The following CCDC13 variants were observed in gnomAD, a reference collection of about 807,000 sequenced individuals.
The protein encoded by CCDC13 is coiled-coil domain-containing protein 13.
Under a neutral mutation model 87.3 loss-of-function variants are expected in CCDC13, and 70 were observed. The observed-to-expected ratio is 0.80, with a 90% confidence interval of 0.66 to 0.98. CCDC13 has a LOEUF of 0.98. Ranked by LOEUF, CCDC13 falls within the 50% of genes least tolerant of loss-of-function variation. CCDC13 has a pLI of 0.00. For synonymous variants in CCDC13, 317 were observed against 360.3 expected (o/e 0.88, Z 1.36); for missense variants, 842 against 892.0 (o/e 0.94, Z 0.71).
chr3:42,740,981 A>T (rs1484734642), intron 8 of CCDC13: 2 of 152,218 alleles, frequency 1.3e-5, no homozygotes, highest in African/African-American at 4.8e-5. Flanking sequence ...CCAGGCTCTT[A>T]TGGGTGCCTG....
intron 1 of CCDC13, among the ~76,000 whole-genome samples, chr3:42,762,808 G>C (rs557329522): frequency 6.6e-6 from 1 of 152,256 alleles, no homozygotes; most frequent in South Asian, 2.1e-4. Context: ...GTTAGGCCAG[G>C]CATGATGGCT....
At chr3:42,711,246 C>CAAAAA (rs1174084143) in intron 14 of CCDC13, among the ~76,000 whole-genome samples, 1,749 of 74,612 alleles carry the variant, frequency 0.023, 61 homozygotes, top group African/African-American at 0.066. Flanking sequence ...ACTCTGTCTC[C>CAAAAA]AAAAAAAAAA....
intron 13 of CCDC13, among the ~76,000 whole-genome samples, chr3:42,727,170 G>A (rs1397030396): frequency 6.6e-6 from 1 of 152,058 alleles, no homozygotes; most frequent in East Asian, 1.9e-4. Flanking sequence ...TCAGGAGTTC[G>A]AAATCAGCCT....
chr3:42,733,564 C>T lies in CCDC13; in HGVS notation c.1417G>A (p.Val473Ile), dbSNP rs146553772. The T allele has an allele frequency of 3.7e-6, 6 of 1,613,340 alleles. No individual in the cohort carries two copies. The African/African-American group carries it at 6.7e-5, about 18-fold the overall frequency. Reference sequence around the variant, plus strand: ...AGGAACTGGGTATAGGCAGGGCTGACCTCGCGGCCACTGGACCCCTCACCC... The same window carrying T: ...AGGAACTGGGTATAGGCAGGGCTGATCTCGCGGCCACTGGACCCCTCACCC... ...GVGEGSSGRE[V>I]SPAYTQFLED... The change falls in exon 11 of 16, where the codon GTC becomes ATC. Residue 473 changes from valine (V) to isoleucine (I), a missense_variant. By Grantham distance (29) the Val-to-Ile change is conservative. Transcript: ENST00000310232.
intron 3 of CCDC13, 148 bp downstream of exon 3, chr3:42,756,918 C>T (rs1430874383): frequency 3.2e-5 from 24 of 747,814 alleles, no homozygotes; most frequent in Non-Finnish European, 4.3e-5. Context: ...TCTACCCTCT[C>T]CCTCACTTCC....
At chr3:42,726,063 C>G (rs1226538095) in intron 13 of CCDC13, among the ~76,000 whole-genome samples, 1 of 152,020 alleles carries the variant, frequency 6.6e-6, no homozygotes, top group Non-Finnish European at 1.5e-5. Context: ...GTTTTTGAGA[C>G]GGGGGTGTTT....
intron 10 of CCDC13, among the ~76,000 whole-genome samples, chr3:42,734,132 C>G (rs536419041): frequency 6.6e-6 from 1 of 152,144 alleles, no homozygotes; most frequent in Admixed American, 6.5e-5. Context: ...CTTCTGGATA[C>G]CTGCTGGGGC....
At chr3:42,746,967 G>A (rs952155077) in intron 6 of CCDC13, 2 of 518,950 alleles carry the variant, frequency 3.9e-6, no homozygotes, top group Admixed American at 6.3e-5. Context: ...CTCTCCCTGG[G>A]TGGACAGTGC....
chr3:42,764,296 C>G (rs778301735), intron 1 of CCDC13, among the ~76,000 whole-genome samples: 9 of 152,176 alleles, frequency 5.9e-5, no homozygotes, highest in Admixed American at 2.6e-4. Flanking sequence ...AAGGCCTGAA[C>G]TGGTCTTTCA....
chr3:42,733,405 AAAC>A, intron 11 of CCDC13, 62 bp downstream of exon 11: 4 of 1,602,516 alleles, frequency 2.5e-6, no homozygotes, highest in Non-Finnish European at 3.4e-6. Context: ...AGGTAGCAAG[AAAC>A]AACCTTTCTT....
intron 13 of CCDC13, among the ~76,000 whole-genome samples, chr3:42,722,940 G>C (rs1157337713): frequency 2.0e-5 from 3 of 151,760 alleles, no homozygotes; most frequent in Non-Finnish European, 4.4e-5. Flanking sequence ...GGGACTACAG[G>C]TGCCCACCAC....
Position 42,708,823 on chromosome 3 carries a change from T to G in CCDC13, c.*157A>C. 6.2e-5 allele frequency: 42 copies of G among 678,728 alleles called. No homozygotes were observed. Among genetic ancestry groups the G allele is most frequent in the East Asian group, 9.2e-5 (3 of 32,550 alleles). 42.0% of individuals were successfully genotyped at this position (678,728 alleles called of 1,614,324 possible). A position where few individuals can be genotyped will look rare whatever the true frequency, so the allele number is the denominator to read the frequency against. Reference sequence around the variant, plus strand: ...TCTTCTGCCTTCCTGGCCTGAGACATTGGTTTTGGTCATCCTTAAGGAGCC... The same window carrying G: ...TCTTCTGCCTTCCTGGCCTGAGACAGTGGTTTTGGTCATCCTTAAGGAGCC... On this transcript the variant is annotated 3_prime_UTR_variant, in exon 16 of 16. Coordinates refer to ENST00000310232, the MANE Select transcript of CCDC13 (RefSeq NM_144719.4).
At chr3:42,740,457 C>CCTA (rs1167017492) in intron 8 of CCDC13, among the ~76,000 whole-genome samples, 5 of 152,140 alleles carry the variant, frequency 3.3e-5, no homozygotes, top group Non-Finnish European at 7.4e-5. Context: ...TTCCTGAGGG[C>CCTA]CTACTATGGG....
intron 1 of CCDC13, among the ~76,000 whole-genome samples, chr3:42,771,671 C>G (rs9836850): frequency 6.6e-6 from 1 of 152,156 alleles, no homozygotes; most frequent in South Asian, 2.1e-4. Context: ...GGGAGGATTG[C>G]TTGAGCCCAG....
In CCDC13 at chr3:42,752,786, T is replaced by G. The variant is rs1262642539; in HGVS notation, c.371-69A>C. 9 of 1,569,086 alleles carry G rather than the reference T, an allele frequency of 5.7e-6. No homozygotes were observed. The African/African-American group carries it at 1.1e-4, about 19-fold the overall frequency. ...ACACATCAAACTCATGCTCCACCAC[T>G]AACAGCACCAGGGTCTTAAAAGCTA... is the stretch of plus-strand genomic sequence containing the variant. On this transcript the variant is annotated intron_variant, in intron 3 of 15. Transcript: ENST00000310232.
chr3:42,730,327 T>A, intron 13 of CCDC13, 140 bp downstream of exon 13: 2 of 1,204,974 alleles, frequency 1.7e-6, no homozygotes, highest in South Asian at 1.6e-5. Flanking sequence ...GTGGGGCGCA[T>A]GAGTTGTGGC....
At chr3:42,761,132 C>A (rs1699823429) in intron 1 of CCDC13, among the ~76,000 whole-genome samples, 1 of 152,184 alleles carries the variant, frequency 6.6e-6, no homozygotes, top group Non-Finnish European at 1.5e-5. Flanking sequence ...TGGTAAGCAT[C>A]CCTGCCTTAA....
chr3:42,760,712 G>A (rs942051806), intron 1 of CCDC13, among the ~76,000 whole-genome samples: 12 of 151,598 alleles, frequency 7.9e-5, no homozygotes, highest in African/African-American at 1.9e-4. Context: ...CCAAGATTGC[G>A]CCATTGCATT....
At chr3:42,736,183 G>A (rs975773964) in intron 9 of CCDC13, among the ~76,000 whole-genome samples, 4 of 152,232 alleles carry the variant, frequency 2.6e-5, no homozygotes, top group African/African-American at 9.6e-5. Flanking sequence ...ACAGAAAGTA[G>A]ATCAGATGGT....
Sources: allele counts gnomAD v4.1 joint callset (sites outside exome capture counted in the v4.1 genomes callset), GRCh38; gene constraint gnomAD v4.1.1; transcripts MANE v1.5; gene names NCBI Gene and HGNC (gene_info 2026-07-23, HGNC 2026-07-21).